Variants in CNTN5 observed in about 807,000 individuals in gnomAD.
CNTN5 encodes the protein contactin 5.
A neutral mutation model predicts 129.1 loss-of-function variants in CNTN5; 77 were observed. The observed-to-expected ratio is 0.60, with a 90% CI of 0.50 to 0.72. The LOEUF is 0.72. Ranked by LOEUF, CNTN5 falls within the 30% of genes least tolerant of loss-of-function variation. CNTN5 has a pLI of 0.00. For missense variants in CNTN5, 1,478 were observed against 1,328.8 expected, an observed-to-expected ratio of 1.11 and a Z score of -1.75; for synonymous variants, 509 against 465.6, an observed-to-expected ratio of 1.09 and a Z score of -1.20.
chr11:100,341,794 A>G (rs1407766038), intron 23 of CNTN5, among the ~76,000 whole-genome samples: 2 of 152,096 alleles, frequency 1.3e-5, no homozygotes, highest in Non-Finnish European at 2.9e-5. Context: ...TTTTAAATAT[A>G]TGTGATCTAT....
At chr11:99,338,052 T>C (rs894273876) in intron 2 of CNTN5, among the ~76,000 whole-genome samples, 82 of 152,274 alleles carry the variant, frequency 5.4e-4, no homozygotes, top group African/African-American at 1.8e-3. Flanking sequence ...TGCTGTAAAA[T>C]AGAAAATTAA....
intron 1 of CNTN5, among the ~76,000 whole-genome samples, chr11:99,088,903 A>C (rs1197777950): frequency 6.6e-6 from 1 of 152,194 alleles, no homozygotes; most frequent in Non-Finnish European, 1.5e-5. Flanking sequence ...TTCAGAGCTT[A>C]TTTATGTTAT....
chr11:99,517,430 A>G (rs560400061), intron 2 of CNTN5, among the ~76,000 whole-genome samples: 6 of 152,076 alleles, frequency 3.9e-5, no homozygotes, highest in Admixed American at 3.9e-4. Context: ...TCCATTTTTC[A>G]TAGGATGTAC....
chr11:99,634,433 C>CG (rs1198966166), intron 3 of CNTN5, among the ~76,000 whole-genome samples: 1 of 152,020 alleles, frequency 6.6e-6, no homozygotes, highest in Non-Finnish European at 1.5e-5. Context: ...GGCAAAATTT[C>CG]GGGGGAAAGG....
At chr11:100,331,124 A>T (rs1397338877) in intron 21 of CNTN5, among the ~76,000 whole-genome samples, 1 of 152,168 alleles carries the variant, frequency 6.6e-6, no homozygotes, top group Non-Finnish European at 1.5e-5. Context: ...AACTTAAGGT[A>T]AAAAGGTGGA....
chr11:99,064,301 G>A (rs1199537464), intron 1 of CNTN5, among the ~76,000 whole-genome samples: 2 of 152,080 alleles, frequency 1.3e-5, no homozygotes, highest in Non-Finnish European at 2.9e-5. Context: ...TAGCTGCATG[G>A]GCATGATTTG....
At chr11:99,558,334 C>A in intron 3 of CNTN5, 1 of 364,772 alleles carries the variant, frequency 2.7e-6, no homozygotes, top group South Asian at 2.1e-5. Flanking sequence ...AAATAAAGGA[C>A]ACCCAGTTAG....
At chr11:100,154,863 TG>T (rs1947185761) in intron 13 of CNTN5, among the ~76,000 whole-genome samples, 1 of 151,912 alleles carries the variant, frequency 6.6e-6, no homozygotes, top group Non-Finnish European at 1.5e-5. Flanking sequence ...TACTTTTTGA[TG>T]GGTTTTTTTT....
chr11:99,841,960 C>T (rs920956664), intron 4 of CNTN5, among the ~76,000 whole-genome samples: 1 of 151,518 alleles, frequency 6.6e-6, no homozygotes, highest in Admixed American at 6.6e-5. Context: ...GATCTCAGCT[C>T]GCTGCAACTT....
chr11:99,567,193 G>A (rs895356696), intron 3 of CNTN5, among the ~76,000 whole-genome samples: 1 of 152,066 alleles, frequency 6.6e-6, no homozygotes, highest in Non-Finnish European at 1.5e-5. Flanking sequence ...CTGTAGCAGC[G>A]CTTTTCAACA....
chr11:100,356,057 C>G, intron 24 of CNTN5, 60 bp from the exon 25 acceptor site: 9 of 1,127,818 alleles, frequency 8.0e-6, no homozygotes, highest in Non-Finnish European at 1.2e-5. Context: ...AAAAACAATT[C>G]TGTCCTAGCT....
intron 3 of CNTN5, among the ~76,000 whole-genome samples, chr11:99,675,481 G>A (rs750915732): frequency 2.0e-5 from 3 of 152,084 alleles, no homozygotes; most frequent in Non-Finnish European, 4.4e-5. Flanking sequence ...TCGGCAGTTC[G>A]AGACCAGCCT....
Position 99,578,468 on chromosome 11 carries a change from C to A in CNTN5, c.55+22199C>A, listed in dbSNP as rs541731704. ...CAACAGTGTAAAAGTGTTCCTATTTCTCCACATCCTCTCCAGCACCTGTTG... is the reference window on the plus strand; with the variant it reads ...CAACAGTGTAAAAGTGTTCCTATTTATCCACATCCTCTCCAGCACCTGTTG... On this transcript the variant is annotated intron_variant, in intron 3 of 24. Transcript: ENST00000524871. 1.7e-4 allele frequency among the ~76,000 whole-genome samples: 25 copies of A among 149,464 alleles called. 1 individual carries two copies. The East Asian group carries it at 4.4e-3, about 26-fold the overall frequency.
intron 6 of CNTN5, among the ~76,000 whole-genome samples, chr11:99,912,629 T>C (rs1438715220): frequency 2.1e-5 from 3 of 145,468 alleles, no homozygotes; most frequent in Non-Finnish European, 3.0e-5. Flanking sequence ...ACATCTATTA[T>C]TGTATGTTTT....
At chr11:99,720,957 T>A (rs1240904685) in intron 3 of CNTN5, among the ~76,000 whole-genome samples, 1 of 151,978 alleles carries the variant, frequency 6.6e-6, no homozygotes, top group Non-Finnish European at 1.5e-5. Context: ...GAAAGATCTC[T>A]ACAACGAGAA....
chr11:99,378,855 T>C (rs1489110230), intron 2 of CNTN5, among the ~76,000 whole-genome samples: 11 of 152,078 alleles, frequency 7.2e-5, no homozygotes, highest in Admixed American at 4.6e-4. Context: ...ACTGAACATA[T>C]TATAATAGTT....
chr11:100,193,986 C>T (rs1050751935), intron 15 of CNTN5, among the ~76,000 whole-genome samples: 1 of 151,844 alleles, frequency 6.6e-6, no homozygotes, highest in African/African-American at 2.4e-5. Context: ...GCATCGTTAA[C>T]AGTAATTATG....
chr11:100,085,482 G>A (rs1242347449), intron 13 of CNTN5, among the ~76,000 whole-genome samples: 1 of 151,834 alleles, frequency 6.6e-6, no homozygotes, highest in African/African-American at 2.4e-5. Flanking sequence ...AACATATACT[G>A]TATATAAGAC....
At chr11:99,456,957 G>A (rs578138123) in intron 2 of CNTN5, among the ~76,000 whole-genome samples, 76 of 152,088 alleles carry the variant, frequency 5.0e-4, no homozygotes, top group African/African-American at 1.7e-3. Context: ...TATTCTGTGT[G>A]TCAGGCAACG....
Sources: allele counts gnomAD v4.1 joint callset (sites outside exome capture counted in the v4.1 genomes callset), GRCh38; gene constraint gnomAD v4.1.1; transcripts MANE v1.5; gene names NCBI Gene and HGNC (gene_info 2026-07-23, HGNC 2026-07-21).